The following SCNN1B variants were observed in gnomAD, a reference collection of about 807,000 sequenced individuals.
The protein encoded by SCNN1B is epithelial sodium channel subunit beta.
Under a neutral mutation model 65.3 loss-of-function variants are expected in SCNN1B, and 46 were observed. The ratio of observed to expected loss-of-function variants is 0.70; its 90% CI spans 0.56 to 0.90. The LOEUF is 0.90. Ranked by LOEUF, SCNN1B falls within the 40% of genes least tolerant of loss-of-function variation. The pLI is 0.00. For synonymous variants in SCNN1B, 349 were observed against 330.6 expected, an observed-to-expected ratio of 1.06 and a Z score of -0.60; for missense variants, 751 against 830.5, an observed-to-expected ratio of 0.90 and a Z score of 1.18.
chr16:23,341,295 T>C (rs1438341595), intron 1 of SCNN1B, among the ~76,000 whole-genome samples: 1 of 152,160 alleles, frequency 6.6e-6, no homozygotes, highest in Admixed American at 6.6e-5. Context: ...ACACTATATA[T>C]GTAAATTAAT....
intron 4 of SCNN1B, among the ~76,000 whole-genome samples, chr16:23,365,541 A>G (rs1962636011): frequency 1.7e-5 from 2 of 116,834 alleles, no homozygotes; most frequent in East Asian, 2.5e-4. Context: ...GAGAGAAGGA[A>G]AGAGAAAGAA....
At chr16:23,355,167 C>T in intron 3 of SCNN1B, 132 bp from the exon 4 acceptor site, 1 of 842,784 alleles carries the variant, frequency 1.2e-6, no homozygotes, top group South Asian at 1.4e-5. Flanking sequence ...TGAACGTTTC[C>T]CACCACCAAG....
At chr16:23,310,988 G>A (rs1961329277) in intron 1 of SCNN1B, among the ~76,000 whole-genome samples, 2 of 152,252 alleles carry the variant, frequency 1.3e-5, no homozygotes, top group Admixed American at 1.3e-4. Flanking sequence ...TCGGATGAGG[G>A]AGTCCAGGGA....
chr16:23,295,840 T>C (rs1960989690), intron 2 of SCNN1B, among the ~76,000 whole-genome samples: 1 of 152,194 alleles, frequency 6.6e-6, no homozygotes, highest in Non-Finnish European at 1.5e-5. Context: ...GCTGAAAACC[T>C]GCATGGCAAA....
chr16:23,288,217 G>C (rs184899795), intron 2 of SCNN1B, among the ~76,000 whole-genome samples: 1 of 151,868 alleles, frequency 6.6e-6, no homozygotes, highest in African/African-American at 2.4e-5. Flanking sequence ...TTATTAGCTA[G>C]GATATATCTA....
chr16:23,339,264 T>C (rs1962004574), intron 1 of SCNN1B, among the ~76,000 whole-genome samples: 1 of 152,190 alleles, frequency 6.6e-6, no homozygotes, highest in Non-Finnish European at 1.5e-5. Flanking sequence ...ATTTATTTCT[T>C]CCCCTGTTGG....
intron 1 of SCNN1B, among the ~76,000 whole-genome samples, chr16:23,279,963 G>T (rs565370209): frequency 6.6e-6 from 1 of 152,110 alleles, no homozygotes; most frequent in Admixed American, 6.5e-5. Flanking sequence ...GAGACTTGTC[G>T]GTTGAAAAGC....
At chr16:23,304,692 C>T (rs1277654898) in intron 1 of SCNN1B, among the ~76,000 whole-genome samples, 2 of 152,132 alleles carry the variant, frequency 1.3e-5, no homozygotes, top group African/African-American at 2.4e-5. Flanking sequence ...AGTGTGTTTG[C>T]TATAGACTGA....
chr16:23,328,441 T>C (rs1003703825), intron 1 of SCNN1B, among the ~76,000 whole-genome samples: 2 of 152,226 alleles, frequency 1.3e-5, no homozygotes, highest in African/African-American at 2.4e-5. Context: ...TCCATCCTTG[T>C]ACATCTCAAA....
At chr16:23,326,304 A>G (rs1961695502) in intron 1 of SCNN1B, among the ~76,000 whole-genome samples, 1 of 152,150 alleles carries the variant, frequency 6.6e-6, no homozygotes, top group Admixed American at 6.5e-5. Context: ...ATTGTAGGAA[A>G]GTTACAAAGC....
intron 4 of SCNN1B, among the ~76,000 whole-genome samples, chr16:23,360,315 C>T (rs1216397405): frequency 3.3e-5 from 5 of 152,034 alleles, no homozygotes; most frequent in Admixed American, 6.6e-5. Flanking sequence ...GAGGGAGAAT[C>T]GCTTGAGGCC....
At chr16:23,298,145 G>C (rs1399492576), upstream of SCNN1B, among the ~76,000 whole-genome samples, 4 of 152,096 alleles carry the variant, frequency 2.6e-5, no homozygotes, top group Admixed American at 2.6e-4. Context: ...GTCCCTGAGA[G>C]ACCTCCCAAA....
intron 3 of SCNN1B, 24 bp from the exon 4 acceptor site, chr16:23,355,275 A>T (rs751883739): frequency 3.1e-6 from 5 of 1,613,168 alleles, no homozygotes; most frequent in East Asian, 2.2e-5. Context: ...CGCCACCCAC[A>T]AAAACCCCTC....
intron 1 of SCNN1B, among the ~76,000 whole-genome samples, chr16:23,313,522 T>C (rs1961387506): frequency 6.6e-6 from 1 of 152,232 alleles, no homozygotes. Context: ...TTTCAACACA[T>C]GCTATCGTTT....
At position 23,348,605 on chromosome 16, in the gene SCNN1B, C is replaced by A. The variant is rs564570566; in HGVS notation, c.6C>A (p.His2Gln). The A allele has an allele frequency of 6.8e-6, 11 of 1,612,654 alleles. No individual in the cohort carries two copies. In the East Asian group the frequency reaches 2.5e-4, roughly 36 times the overall value. Reference protein sequence around the residue: MHVKKYLLKGLH... With the variant: MQVKKYLLKGLH... Reference sequence around the variant, plus strand: ...GCCTCTCTGCAGGTGCCACTATGCACGTGAAGAAGTACCTGCTGAAGGGCC... The same window carrying A: ...GCCTCTCTGCAGGTGCCACTATGCAAGTGAAGAAGTACCTGCTGAAGGGCC... The change falls in exon 2 of 13, where the codon CAC becomes CAA. Residue 2 changes from histidine (H) to glutamine (Q), a missense_variant. By Grantham distance (24) the His-to-Gln change is conservative. Coordinates refer to ENST00000343070, the MANE Select transcript of SCNN1B (RefSeq NM_000336.3). This position sits in a 1 kb window ranked among gnomAD's most constrained non-coding sequence, Gnocchi z 4.5.
intron 4 of SCNN1B, among the ~76,000 whole-genome samples, chr16:23,360,155 G>A (rs996654187): frequency 6.6e-6 from 1 of 151,970 alleles, no homozygotes; most frequent in Non-Finnish European, 1.5e-5. Context: ...CTGAGATCAT[G>A]CCACTGCACT....
At chr16:23,288,539 A>C (rs1960882737) in intron 2 of SCNN1B, among the ~76,000 whole-genome samples, 1 of 152,182 alleles carries the variant, frequency 6.6e-6, no homozygotes, top group East Asian at 1.9e-4. Context: ...GCAGTGGCTC[A>C]CACCTGTAAA....
At chr16:23,314,750 C>G (rs1263676857) in intron 1 of SCNN1B, among the ~76,000 whole-genome samples, 1 of 152,214 alleles carries the variant, frequency 6.6e-6, no homozygotes, top group African/African-American at 2.4e-5. Flanking sequence ...TGTAATCTCC[C>G]CCAACAAAGA....
intron 4 of SCNN1B, among the ~76,000 whole-genome samples, chr16:23,365,618 A>AGAG (rs1567313760): frequency 3.1e-5 from 2 of 64,642 alleles, no homozygotes; most frequent in South Asian, 1.3e-3. Flanking sequence ...AGAAAGAAAG[A>AGAG]AAAAAGAAAG....
Sources: gnomAD v4.1 joint callset for allele counts (sites outside exome capture counted in the v4.1 genomes callset) on GRCh38, gnomAD v4.1.1 for gene constraint, Gnocchi (gnomAD v3.1) non-coding constraint, MANE v1.5 for transcripts, NCBI Gene and HGNC (gene_info 2026-07-23, HGNC 2026-07-21) for gene names.